CCDC174: variants seen among roughly 807,000 people sequenced by gnomAD.
CCDC174 encodes coiled-coil domain containing 174, also known as coiled-coil domain-containing protein 174.
Under a neutral mutation model 57.1 loss-of-function variants are expected in CCDC174, and 37 were observed. The ratio of observed to expected loss-of-function variants is 0.65; its 90% confidence interval spans 0.50 to 0.85. The LOEUF (loss-of-function observed/expected upper bound fraction) is 0.85. Among genes scored for constraint, CCDC174 ranks in the 40% least tolerant of loss-of-function variants. CCDC174 has a pLI of 0.00. For synonymous variants in CCDC174, 182 were observed against 190.2 expected, an observed-to-expected ratio of 0.96 and a Z score of 0.35; for missense variants, 540 against 574.3, an observed-to-expected ratio of 0.94 and a Z score of 0.61.
rs769109082 is a variant in CCDC174 at position 14,665,054 on chromosome 3, G to A, written c.512G>A (p.Arg171His). ...GTGGATTACGTGGACTCTTTGGGGC[G>A]TTCCCGGCGCTGTATGAGAAAGGAT... ...EWVDYVDSLG[R>H]SRRCMRKDLP... Residue 171 changes from arginine to histidine, a missense_variant, in exon 6 of 11, where the codon CGT becomes CAT. Coordinates refer to ENST00000383794, the MANE Select transcript of CCDC174 (RefSeq NM_016474.5). 5.0e-6 allele frequency: 8 copies of A among 1,614,002 alleles called. No individual in the cohort carries two copies. The highest frequency in any genetic ancestry group is 3.3e-5 in the Admixed American group (2 of 60,026).
intron 1 of CCDC174, among the ~76,000 whole-genome samples, chr3:14,652,577 A>T (rs1348989087): frequency 6.6e-6 from 1 of 152,172 alleles, no homozygotes; most frequent in Non-Finnish European, 1.5e-5. Flanking sequence ...GCCTGGAAAG[A>T]TGAAGTAGCT....
At chr3:14,666,693 C>A in intron 6 of CCDC174, 112 bp from the exon 7 acceptor site, 1 of 837,494 alleles carries the variant, frequency 1.2e-6, no homozygotes, top group Non-Finnish European at 1.8e-6. Context: ...CTCTGTAGTT[C>A]CCTGTTTTCT....
chr3:14,668,091 C>A lies in CCDC174; in HGVS notation c.862C>A (p.Arg288=). The A allele has an allele frequency of 6.2e-7, 1 of 1,601,480 alleles. No individual in the cohort carries two copies. Among genetic ancestry groups the A allele is most frequent in the Non-Finnish European group, 8.5e-7 (1 of 1,174,604 alleles). Residue 288 remains arginine (R), a synonymous_variant, in exon 9 of 11, where the codon CGA becomes AGA. Transcript: ENST00000383794. ...RTKRENIKEK[R]KAILEARLAK... is the part of the protein sequence containing the mutation. ...AAAACGAGAAAACATAAAGGAAAAG[C>A]GAAAGGCTATCTTAGAGGCAAGACT...
At chr3:14,656,883 TA>T (rs2030976097) in intron 3 of CCDC174, among the ~76,000 whole-genome samples, 3 of 152,186 alleles carry the variant, frequency 2.0e-5, no homozygotes, top group Non-Finnish European at 4.4e-5. Context: ...CTTTTGGATA[TA>T]TGGAATAATA....
At position 14,660,795 on chromosome 3, in the gene CCDC174, A is replaced by T. The variant is rs1031128900; in HGVS notation, c.308-735A>T. ...TTAATCTCTGTCATCAGAGAAAAAG[A>T]CTCAAATGACTGTGTCCTAAATCCA... On this transcript the variant is annotated intron_variant, in intron 4 of 10. Transcript: ENST00000383794. 2.6e-5 allele frequency among the ~76,000 whole-genome samples: 4 copies of T among 152,244 alleles called. No homozygotes were observed. In the East Asian group the frequency reaches 7.7e-4, roughly 29 times the overall value.
At chr3:14,659,557 G>T (rs913187657) in intron 4 of CCDC174, among the ~76,000 whole-genome samples, 1 of 152,070 alleles carries the variant, frequency 6.6e-6, no homozygotes, top group African/African-American at 2.4e-5. Flanking sequence ...GGACATGGTG[G>T]TTCATGCCTA....
At chr3:14,667,634 T>G (rs1435796702) in intron 8 of CCDC174, 116 bp downstream of exon 8, 2 of 763,336 alleles carry the variant, frequency 2.6e-6, no homozygotes, top group Non-Finnish European at 4.4e-6. Context: ...TATTCAGAAT[T>G]GCATAAAGGT....
chr3:14,670,864 G>C, intron 10 of CCDC174, 32 bp from the exon 11 acceptor site: 1 of 1,538,456 alleles, frequency 6.5e-7, no homozygotes. Context: ...TCGTTAATCA[G>C]TTCTAATAAC....
chr3:14,667,310 A>C, intron 7 of CCDC174, 114 bp from the exon 8 acceptor site: 1 of 838,250 alleles, frequency 1.2e-6, no homozygotes, highest in Admixed American at 2.4e-5. Flanking sequence ...TTTTCTTTTT[A>C]AAACTTGTGC....
chr3:14,671,367 G>A lies in CCDC174; in HGVS notation c.*173G>A. On this transcript the variant is annotated 3_prime_UTR_variant, in exon 11 of 11. Transcript: ENST00000383794. The stretch of plus-strand genomic sequence containing the variant: ...AAAGTTATGGAAACTTTGGCCACTT[G>A]GCTGTTCATTTTATTCTAAGTGGGA... The A allele has an allele frequency of 1.6e-6, 1 of 631,436 alleles. No homozygotes were observed. The highest frequency in any genetic ancestry group is 2.7e-6 in the Non-Finnish European group (1 of 370,902). The allele number at this position is 631,436 out of a possible 1,614,324, so 39.1% of individuals were successfully genotyped here.
chr3:14,656,531 G>T (rs141486385), intron 3 of CCDC174, among the ~76,000 whole-genome samples: 1 of 152,188 alleles, frequency 6.6e-6, no homozygotes, highest in Non-Finnish European at 1.5e-5. Flanking sequence ...AGGCTCATAA[G>T]GTCAGTTTGA....
At position 14,661,658 on chromosome 3, in the gene CCDC174, A is replaced by C; in HGVS notation, c.436A>C (p.Asn146His). Reference protein sequence around the residue: ...KAGERDDDEENLPEGEIPPPQ... With the variant: ...KAGERDDDEEHLPEGEIPPPQ... ...AGGAGAAAGGGACGACGATGAGGAA[A>C]ACCTTCCTGAGGGAGAGATCCCTCC... Residue 146 changes from asparagine to histidine, a missense_variant, in exon 5 of 11, where the codon AAC becomes CAC. By Grantham distance (68) the Asn-to-His change is moderately conservative. Coordinates refer to ENST00000383794, the MANE Select transcript of CCDC174 (RefSeq NM_016474.5). 6.2e-7 allele frequency: 1 copy of C among 1,614,154 alleles called. No homozygotes were observed. The highest frequency in any genetic ancestry group is 1.1e-5 in the South Asian group (1 of 91,078).
intron 6 of CCDC174, 73 bp downstream of exon 6, chr3:14,665,196 G>A (rs1176407198): frequency 5.0e-6 from 5 of 1,008,876 alleles, no homozygotes; most frequent in African/African-American, 1.6e-5. Context: ...GTGAGGGGAG[G>A]CTGTTTTATA....
Position 14,666,928 on chromosome 3 carries a change from T to G in CCDC174, c.705T>G (p.Tyr235Ter). The G allele has an allele frequency of 2.5e-6, 4 of 1,582,526 alleles. No individual in the cohort carries two copies. Among genetic ancestry groups the G allele is most frequent in the African/African-American group, 1.4e-5 (1 of 72,674 alleles). The change falls in exon 7 of 11, where the codon TAT (tyrosine) becomes TAG (stop). Residue 235 changes from tyrosine to a stop codon, truncating the protein, a stop_gained. Transcript: ENST00000383794. LOFTEE classifies it high-confidence loss of function. Reference protein sequence around the residue: ...ALKRPMGPVHYEDIRENEARQ... With the variant: ...ALKRPMGPVH Reference sequence around the variant, plus strand: ...AGAGGCCCATGGGGCCCGTACATTATGAAGACATTCGGGAAAATGGTATGA... The same window carrying G: ...AGAGGCCCATGGGGCCCGTACATTAGGAAGACATTCGGGAAAATGGTATGA...
rs1358135132 is a variant in CCDC174, at chr3:14,671,775, T to A, written c.*581T>A. On this transcript the variant is annotated 3_prime_UTR_variant, in exon 11 of 11. Transcript: ENST00000383794. ...GAAGTGGGAGTTGTTTACTTAATTT[T>A]ACTGTCATACCATGCTATTACCTAC... is the stretch of plus-strand genomic sequence containing the variant. 6.5e-6 allele frequency: 1 copy of A among 152,970 alleles called. No homozygotes were observed. Among genetic ancestry groups the A allele is most frequent in the Non-Finnish European group, 1.5e-5 (1 of 68,626 alleles). 9.5% of individuals were successfully genotyped at this position (152,970 alleles called of 1,614,324 possible). A position where few individuals can be genotyped will look rare whatever the true frequency, so the allele number is the denominator to read the frequency against.
chr3:14,655,831 A>G (rs2030940982), intron 3 of CCDC174, among the ~76,000 whole-genome samples: 1 of 152,236 alleles, frequency 6.6e-6, no homozygotes, highest in Admixed American at 6.5e-5. Flanking sequence ...CACAGTTTAT[A>G]AGATGAAACA....
intron 1 of CCDC174, among the ~76,000 whole-genome samples, chr3:14,652,285 A>G (rs7651177): frequency 0.46 from 69,944 of 152,012 alleles, 16,932 homozygotes; most frequent in Non-Finnish European, 0.55. Context: ...CCAGGGACCC[A>G]CAAAGTCCTC....
chr3:14,665,932 G>A (rs1050983210), intron 6 of CCDC174, among the ~76,000 whole-genome samples: 1 of 151,480 alleles, frequency 6.6e-6, no homozygotes, highest in Admixed American at 6.6e-5. Context: ...CAGCTACTCA[G>A]GAGGCTGAGG....
chr3:14,652,997 A>G (rs996435407), intron 1 of CCDC174, among the ~76,000 whole-genome samples: 1 of 152,184 alleles, frequency 6.6e-6, no homozygotes, highest in African/African-American at 2.4e-5. Context: ...TCATCAGAGC[A>G]AATTGCCCAA....
Sources: allele counts gnomAD v4.1 joint callset (sites outside exome capture counted in the v4.1 genomes callset), GRCh38; gene constraint gnomAD v4.1.1; transcripts MANE v1.5; gene names NCBI Gene and HGNC (gene_info 2026-07-23, HGNC 2026-07-21).